ERBB4: variants seen among roughly 807,000 people sequenced by gnomAD.
ERBB4 encodes receptor tyrosine-protein kinase erbB-4.
A neutral mutation model predicts 158.0 loss-of-function variants in ERBB4; 42 were observed. That is an observed-to-expected ratio of 0.27 (90% CI 0.21 to 0.34). The LOEUF (loss-of-function observed/expected upper bound fraction) is 0.34, where lower values mean the gene tolerates loss of function less well. Among genes scored for constraint, ERBB4 ranks in the 10% least tolerant of loss-of-function variants. ERBB4 has a pLI of 1.00. For synonymous variants in ERBB4, 583 were observed against 558.7 expected, an observed-to-expected ratio of 1.04 and a Z score of -0.61; for missense variants, 1,333 against 1,624.1, an observed-to-expected ratio of 0.82 and a Z score of 3.08.
intron 19 of ERBB4, among the ~76,000 whole-genome samples, chr2:211,599,374 C>T (rs995630955): frequency 2.6e-5 from 4 of 152,064 alleles, no homozygotes; most frequent in Admixed American, 1.3e-4. Flanking sequence ...AGAGTCCTTG[C>T]TTTGGGCTCT....
chr2:211,606,821 C>A (rs1465592626), intron 19 of ERBB4, among the ~76,000 whole-genome samples: 1 of 152,118 alleles, frequency 6.6e-6, no homozygotes, highest in East Asian at 1.9e-4. Flanking sequence ...GAATGCTGCA[C>A]ATTTTGAAAT....
At chr2:212,210,029 AAGGTCATT>A (rs923620250) in intron 1 of ERBB4, among the ~76,000 whole-genome samples, 61 of 152,104 alleles carry the variant, frequency 4.0e-4, no homozygotes, top group African/African-American at 1.4e-3. Context: ...CTTGCTCAGA[AAGGTCATT>A]TAGCCTCTGG....
intron 1 of ERBB4, among the ~76,000 whole-genome samples, chr2:212,257,041 T>C (rs547874850): frequency 3.3e-5 from 5 of 152,068 alleles, no homozygotes; most frequent in East Asian, 1.9e-4. Flanking sequence ...TAGTACCCAA[T>C]AGGTAGTTTT....
intron 20 of ERBB4, among the ~76,000 whole-genome samples, chr2:211,552,500 A>T (rs565426796): frequency 2.0e-5 from 3 of 152,252 alleles, no homozygotes; most frequent in African/African-American, 7.2e-5. Flanking sequence ...ACGATGGACC[A>T]CTGACATATT....
intron 3 of ERBB4, among the ~76,000 whole-genome samples, chr2:211,928,604 ACATT>A (rs2125093204): frequency 6.6e-6 from 1 of 152,304 alleles, no homozygotes; most frequent in African/African-American, 2.4e-5. Context: ...CCTTCAAGAT[ACATT>A]CATTCTTTGC....
intron 1 of ERBB4, among the ~76,000 whole-genome samples, chr2:212,322,039 A>G (rs750188575): frequency 3.3e-5 from 5 of 150,538 alleles, no homozygotes; most frequent in East Asian, 1.9e-4. Context: ...GAGTGGATAC[A>G]ATATTTATGG....
chr2:211,453,460 C>G (rs1410704766), intron 20 of ERBB4, among the ~76,000 whole-genome samples: 2 of 152,018 alleles, frequency 1.3e-5, no homozygotes, highest in African/African-American at 4.8e-5. Context: ...TACTGTAGTA[C>G]TATTTAATAT....
At chr2:211,592,189 A>G (rs1475279609) in intron 19 of ERBB4, among the ~76,000 whole-genome samples, 2 of 56,366 alleles carry the variant, frequency 3.5e-5, no homozygotes, top group African/African-American at 7.1e-5. Flanking sequence ...CGGTAGACGC[A>G]GGGCTTTGGG....
Position 212,452,456 on chromosome 2 carries a change from C to T in ERBB4, c.82+85993G>A, listed in dbSNP as rs185014593. On this transcript the variant is annotated intron_variant, in intron 1 of 27. Coordinates refer to ENST00000342788, the MANE Select transcript of ERBB4 (RefSeq NM_005235.3). ...GTGCAAGGGAATATGACCTAGAAAC[C>T]AAAAACAAATTTAGCTTTCCTGGCC... 1.6e-4 allele frequency among the ~76,000 whole-genome samples: 25 copies of T among 152,102 alleles called. 1 individual carries two copies. In the South Asian group the frequency reaches 2.9e-3, roughly 18 times the overall value.
At chr2:212,371,684 T>G (rs192257695) in intron 1 of ERBB4, among the ~76,000 whole-genome samples, 1 of 152,310 alleles carries the variant, frequency 6.6e-6, no homozygotes, top group East Asian at 1.9e-4. Context: ...TCATCTCTTT[T>G]GTTCCTATTG....
rs557393666 is a variant in ERBB4 at position 212,528,772 on chromosome 2, A to G, written c.82+9677T>C. Among the ~76,000 whole-genome samples, 52 of 152,240 alleles carry G rather than the reference A, an allele frequency of 3.4e-4. No individual in the cohort carries two copies. In the Middle Eastern group the frequency reaches 0.037, roughly 110 times the overall value. On this transcript the variant is annotated intron_variant, in intron 1 of 27. Transcript: ENST00000342788. Reference sequence around the variant, plus strand: ...CTATAAATAATATAATTATTTCACCATTTTCAGAACGTAGAGTGAATCATC... The same window carrying G: ...CTATAAATAATATAATTATTTCACCGTTTTCAGAACGTAGAGTGAATCATC...
At chr2:212,331,505 A>G (rs575131428) in intron 1 of ERBB4, among the ~76,000 whole-genome samples, 19 of 152,136 alleles carry the variant, frequency 1.2e-4, no homozygotes, top group African/African-American at 4.3e-4. Context: ...CAGTTTTTAT[A>G]TCATAAAACT....
intron 22 of ERBB4, 117 bp from the exon 23 acceptor site, chr2:211,424,418 A>G: frequency 5.0e-6 from 1 of 200,130 alleles, no homozygotes; most frequent in Non-Finnish European, 9.2e-6. Context: ...CCAATCAATT[A>G]AAAAAAAAAA....
intron 25 of ERBB4, among the ~76,000 whole-genome samples, chr2:211,403,754 A>G (rs2063092837): frequency 6.6e-6 from 1 of 152,026 alleles, no homozygotes; most frequent in Non-Finnish European, 1.5e-5. Flanking sequence ...CTCTGACTCA[A>G]TCGGTTCTTC....
intron 1 of ERBB4, among the ~76,000 whole-genome samples, chr2:212,379,761 A>T (rs1436385918): frequency 6.6e-6 from 1 of 150,510 alleles, no homozygotes. Flanking sequence ...AAAAACACTC[A>T]ATTTTTCTAT....
intron 2 of ERBB4, among the ~76,000 whole-genome samples, chr2:212,112,619 C>T (rs1196310354): frequency 6.6e-6 from 1 of 152,098 alleles, no homozygotes; most frequent in Non-Finnish European, 1.5e-5. Context: ...CCCATTAGCT[C>T]TGTGGTCCCG....
intron 2 of ERBB4, among the ~76,000 whole-genome samples, chr2:212,004,090 A>G (rs1271767950): frequency 2.6e-5 from 4 of 152,158 alleles, no homozygotes; most frequent in Non-Finnish European, 5.9e-5. Context: ...ATATGCATGG[A>G]CTGCAGGAAT....
At chr2:211,775,946 G>C (rs1235885449) in intron 4 of ERBB4, among the ~76,000 whole-genome samples, 5 of 152,132 alleles carry the variant, frequency 3.3e-5, no homozygotes, top group African/African-American at 1.2e-4. Flanking sequence ...TATACAGACC[G>C]GGGGCAAGAG....
At chr2:212,202,142 A>G (rs2082604719) in intron 1 of ERBB4, among the ~76,000 whole-genome samples, 1 of 152,138 alleles carries the variant, frequency 6.6e-6, no homozygotes, top group South Asian at 2.1e-4. Flanking sequence ...CAAATACATC[A>G]TTCTCCCTCC....
Sources: allele counts gnomAD v4.1 joint callset (sites outside exome capture counted in the v4.1 genomes callset), GRCh38; gene constraint gnomAD v4.1.1; transcripts MANE v1.5; gene names NCBI Gene and HGNC (gene_info 2026-07-23, HGNC 2026-07-21).